Variants in CUL2 observed in about 807,000 individuals in gnomAD.
The protein encoded by CUL2 is cullin 2, also known as cullin-2.
CUL2 carries 22 observed loss-of-function variants against 110.2 expected under a neutral mutation model. The observed-to-expected ratio is 0.20, with a 90% CI of 0.14 to 0.28. The LOEUF is 0.28. Ranked by LOEUF, CUL2 falls within the 10% of genes least tolerant of loss-of-function variation. The pLI, the probability that CUL2 is intolerant of heterozygous loss-of-function variation, is 1.00. For missense variants in CUL2, 631 were observed against 905.5 expected, an observed-to-expected ratio of 0.70 and a Z score of 3.89; for synonymous variants, 279 against 293.2, an observed-to-expected ratio of 0.95 and a Z score of 0.49.
At chr10:35,074,191 C>T (rs1209901977) in intron 1 of CUL2, 1 of 1,535,434 alleles carries the variant, frequency 6.5e-7, no homozygotes, top group Non-Finnish European at 8.7e-7. Flanking sequence ...AAATAACCTA[C>T]CTAAGCCAAA....
At chr10:35,030,177 A>G (rs943765533) in intron 14 of CUL2, among the ~76,000 whole-genome samples, 1 of 152,190 alleles carries the variant, frequency 6.6e-6, no homozygotes, top group African/African-American at 2.4e-5. Flanking sequence ...GATAGTATCA[A>G]ATGAAAGATT....
rs114754798 is a variant in CUL2, at chr10:35,019,239, C to T, written c.1685-2845G>A. The stretch of plus-strand genomic sequence containing the variant: ...TGTCACTGATGCTGTAATATGCTGC[C>T]GTGGGTTTGAAAGCAGAATGAGTCT... On this transcript the variant is annotated intron_variant, in intron 17 of 20. Coordinates refer to ENST00000374749, the MANE Select transcript of CUL2 (RefSeq NM_003591.4). Among the ~76,000 whole-genome samples, 1,166 of 152,192 alleles carry T rather than the reference C, an allele frequency of 7.7e-3. 14 individuals carry two copies. Among genetic ancestry groups the T allele is most frequent in the African/African-American group, 0.026 (1,094 of 41,544 alleles).
intron 17 of CUL2, among the ~76,000 whole-genome samples, chr10:35,021,817 G>T (rs2085198811): frequency 7.5e-6 from 1 of 134,224 alleles, no homozygotes; most frequent in Non-Finnish European, 1.6e-5. Context: ...GAGGCGAGGT[G>T]GGGTGAGGTG....
intron 2 of CUL2, among the ~76,000 whole-genome samples, chr10:35,068,735 A>C (rs536602699): frequency 6.6e-6 from 1 of 152,298 alleles, no homozygotes; most frequent in Admixed American, 6.5e-5. Flanking sequence ...TTTCCTTTTC[A>C]AAGTATTTAC....
chr10:35,113,203 AAG>A (rs1311038045), intron 1 of CUL2, among the ~76,000 whole-genome samples: 64 of 149,782 alleles, frequency 4.3e-4, no homozygotes, highest in Non-Finnish European at 8.2e-4. Flanking sequence ...AAAAAAAAAA[AAG>A]AATTCAGCGG....
At chr10:35,053,158 C>A (rs554048615) in intron 5 of CUL2, among the ~76,000 whole-genome samples, 10 of 152,134 alleles carry the variant, frequency 6.6e-5, no homozygotes, top group African/African-American at 1.4e-4. Context: ...AGAAAAGATG[C>A]GAACTAAATT....
In CUL2 at chr10:35,076,847, C is replaced by T. The variant is rs559836702; in HGVS notation, c.-22-5508G>A. On this transcript the variant is annotated intron_variant, in intron 1 of 20. Transcript: ENST00000374749. ...GGTGGATCACCTGAGGTCAGGAGTTCGAGATCAGCTGGCTGACATGGTGAA... is the reference window on the plus strand; with the variant it reads ...GGTGGATCACCTGAGGTCAGGAGTTTGAGATCAGCTGGCTGACATGGTGAA... Among the ~76,000 whole-genome samples the T allele has an allele frequency of 2.0e-5, 3 of 152,130 alleles. No homozygotes were observed. The East Asian group carries it at 5.8e-4, about 29-fold the overall frequency.
chr10:35,047,938 G>T (rs1473800791), intron 6 of CUL2, among the ~76,000 whole-genome samples: 2 of 152,012 alleles, frequency 1.3e-5, no homozygotes, highest in Admixed American at 6.6e-5. Context: ...CAGGCATAAT[G>T]AATTCAGAGT....
At position 35,074,014 on chromosome 10, in the gene CUL2, G is replaced by A. The variant is rs1026949432; in HGVS notation, c.-22-2675C>T. ...GCATCAGGATTCAGACCCGTGCTGC[G>A]GCCGGTGCTCTAGGCTGCTGTGTGC... is the stretch of plus-strand genomic sequence containing the variant. On this transcript the variant is annotated intron_variant, in intron 1 of 20. Coordinates refer to ENST00000374749, the MANE Select transcript of CUL2 (RefSeq NM_003591.4). 36 of 711,494 alleles carry A rather than the reference G, an allele frequency of 5.1e-5. No homozygotes were observed. In the East Asian group the frequency reaches 5.6e-4, roughly 11 times the overall value. The allele number at this position is 711,494 out of a possible 1,614,324, so 44.1% of individuals were successfully genotyped here. A position where few individuals can be genotyped will look rare whatever the true frequency, so the allele number is the denominator to read the frequency against.
rs765675526 is a variant in CUL2 at position 35,028,903 on chromosome 10, T to A, written c.1540-16A>T. ...ACGCACCAGCCTAGAAGGAAAAAAA[T>A]AAAATAAAATAAGCTAAATGGATCA... On this transcript the variant is annotated splice_polypyrimidine_tract_variant and intron_variant, in intron 15 of 20. Transcript: ENST00000374749. 5.3e-6 allele frequency: 8 copies of A among 1,501,926 alleles called. No individual in the cohort carries two copies. In the South Asian group the frequency reaches 8.4e-5, roughly 16 times the overall value. 93.0% of individuals were successfully genotyped at this position (1,501,926 alleles called of 1,614,324 possible).
chr10:35,116,985 G>A (rs2087614446), intron 1 of CUL2, among the ~76,000 whole-genome samples: 1 of 151,708 alleles, frequency 6.6e-6, no homozygotes, highest in East Asian at 1.9e-4. Context: ...AGCCAGGGCT[G>A]ATTTCCAGCT....
intron 1 of CUL2, among the ~76,000 whole-genome samples, chr10:35,102,164 C>A (rs186163212): frequency 5.3e-5 from 8 of 151,222 alleles, no homozygotes; most frequent in African/African-American, 1.7e-4. Flanking sequence ...CGCTTGAACC[C>A]GGGAGGCAGA....
chr10:35,084,885 C>T (rs1028870861), intron 1 of CUL2, among the ~76,000 whole-genome samples: 3 of 151,276 alleles, frequency 2.0e-5, no homozygotes, highest in Admixed American at 6.6e-5. Flanking sequence ...TTTGGTAAGC[C>T]GAGGCAAGTG....
chr10:35,059,020 C>A (rs1372487210), intron 4 of CUL2, among the ~76,000 whole-genome samples: 1 of 152,158 alleles, frequency 6.6e-6, no homozygotes, highest in Non-Finnish European at 1.5e-5. Flanking sequence ...GAAGATGGGA[C>A]TGAATTGCTG....
chr10:35,070,704 C>T (rs1376055067), intron 2 of CUL2, among the ~76,000 whole-genome samples: 1 of 152,170 alleles, frequency 6.6e-6, no homozygotes, highest in South Asian at 2.1e-4. Context: ...CTCTTCCCCC[C>T]AAAATCACAT....
At chr10:35,126,297 G>C (rs1020320542) in intron 1 of CUL2, among the ~76,000 whole-genome samples, 5 of 152,208 alleles carry the variant, frequency 3.3e-5, no homozygotes, top group Admixed American at 3.3e-4. Context: ...TGCAATAAAT[G>C]ACCCTAAGAA....
chr10:35,015,014 C>G (rs184983868), intron 18 of CUL2, among the ~76,000 whole-genome samples: 388 of 152,220 alleles, frequency 2.5e-3, no homozygotes, highest in African/African-American at 9.0e-3. Flanking sequence ...TTTGGCCAGG[C>G]ACAGTGGCTC....
In CUL2 at chr10:35,070,737, C is replaced by T. The variant is rs181732295; in HGVS notation, c.119+462G>A. On this transcript the variant is annotated intron_variant, in intron 2 of 20. Coordinates refer to ENST00000374749, the MANE Select transcript of CUL2 (RefSeq NM_003591.4). Reference sequence around the variant, plus strand: ...CATGGCTTGCTCCCTCGCTGCATTCCAGTCTCTGCTCTAATGTCACCATCC... The same window carrying T: ...CATGGCTTGCTCCCTCGCTGCATTCTAGTCTCTGCTCTAATGTCACCATCC... Among the ~76,000 whole-genome samples, 11 of 152,308 alleles carry T rather than the reference C, an allele frequency of 7.2e-5. No individual in the cohort carries two copies. The East Asian group carries it at 2.1e-3, about 29-fold the overall frequency.
At chr10:35,085,322 T>A (rs1418688490) in intron 1 of CUL2, among the ~76,000 whole-genome samples, 1 of 143,606 alleles carries the variant, frequency 7.0e-6, no homozygotes, top group African/African-American at 2.6e-5. Flanking sequence ...CCCAGCTACT[T>A]TGGAGACTGA....
Sources: allele counts gnomAD v4.1 joint callset (sites outside exome capture counted in the v4.1 genomes callset), GRCh38; gene constraint gnomAD v4.1.1; transcripts MANE v1.5; gene names NCBI Gene and HGNC (gene_info 2026-07-23, HGNC 2026-07-21).